SCMH1: variants seen among roughly 807,000 people sequenced by gnomAD.
The protein encoded by SCMH1 is Scm polycomb group protein homolog 1, also known as polycomb protein SCMH1.
In SCMH1, 37 loss-of-function variants were observed where a neutral mutation model predicts 70.8. The ratio of observed to expected loss-of-function variants is 0.52; its 90% confidence interval spans 0.40 to 0.69. SCMH1 has a LOEUF of 0.69. Ranked by LOEUF, SCMH1 falls within the 30% of genes least tolerant of loss-of-function variation. SCMH1 has a pLI of 0.00. For missense variants in SCMH1, 607 were observed against 827.3 expected, an observed-to-expected ratio of 0.73 and a Z score of 3.27; for synonymous variants, 292 against 307.4, an observed-to-expected ratio of 0.95 and a Z score of 0.52.
At chr1:41,213,409 G>C (rs1657456149) in intron 1 of SCMH1, among the ~76,000 whole-genome samples, 1 of 152,100 alleles carries the variant, frequency 6.6e-6, no homozygotes, top group Non-Finnish European at 1.5e-5. Context: ...GAAGGAATGT[G>C]GGAAAACAAC....
chr1:41,195,538 TA>T (rs1652832353), intron 1 of SCMH1, among the ~76,000 whole-genome samples: 1 of 151,506 alleles, frequency 6.6e-6, no homozygotes, highest in South Asian at 2.1e-4. Context: ...AAATACACAA[TA>T]AACTAAGAAT....
In SCMH1 at chr1:41,212,907, G is replaced by C. The variant is rs892695242; in HGVS notation, c.-117-26657C>G. Among the ~76,000 whole-genome samples the C allele has an allele frequency of 2.6e-5, 4 of 151,976 alleles. No individual in the cohort carries two copies. In the East Asian group the frequency reaches 7.7e-4, roughly 29 times the overall value. On this transcript the variant is annotated intron_variant, in intron 1 of 14. Transcript: ENST00000337495. ...AAAAAAAAGATACATATTTTAACAG[G>C]AGAAAAAGACAAGGACTAATATAAA...
intron 1 of SCMH1, among the ~76,000 whole-genome samples, chr1:41,191,467 T>C (rs1651701725): frequency 6.6e-6 from 1 of 152,222 alleles, no homozygotes. Context: ...AATTTAGATT[T>C]CATATATTGG....
intron 2 of SCMH1, among the ~76,000 whole-genome samples, chr1:41,178,586 T>G (rs1647711270): frequency 6.6e-6 from 1 of 152,166 alleles, no homozygotes; most frequent in Non-Finnish European, 1.5e-5. Flanking sequence ...GTTGCAATCC[T>G]AGTCTCTGAT....
At chr1:41,149,411 A>G (rs1644867430) in intron 5 of SCMH1, among the ~76,000 whole-genome samples, 1 of 152,188 alleles carries the variant, frequency 6.6e-6, no homozygotes, top group African/African-American at 2.4e-5. Flanking sequence ...ATATATTAAA[A>G]TAATTATTTT....
At chr1:41,075,366 T>G (rs1657959897) in exon 9 of SCMH1, 4 of 1,614,112 alleles carry the variant, frequency 2.5e-6, no homozygotes, top group Non-Finnish European at 3.4e-6. Context: ...CTGGTTGATG[T>G]TCCAAGACAG....
chr1:41,117,870 C>T (rs1572292285), intron 6 of SCMH1, among the ~76,000 whole-genome samples: 1 of 152,134 alleles, frequency 6.6e-6, no homozygotes, highest in South Asian at 2.1e-4. Context: ...ACACTCCTTA[C>T]CCTGCCCCTT....
At chr1:41,175,067 A>C (rs145117447) in intron 2 of SCMH1, among the ~76,000 whole-genome samples, 14 of 152,382 alleles carry the variant, frequency 9.2e-5, no homozygotes, top group African/African-American at 3.4e-4. Context: ...GTGTCAACTT[A>C]ACTGGGCTAA....
intron 8 of SCMH1, among the ~76,000 whole-genome samples, chr1:41,092,865 A>T (rs1294884613): frequency 6.6e-6 from 1 of 152,184 alleles, no homozygotes; most frequent in Non-Finnish European, 1.5e-5. Context: ...TTAAAAAGTC[A>T]GGAAACAACA....
intron 12 of SCMH1, among the ~76,000 whole-genome samples, chr1:41,044,141 A>G (rs931740170): frequency 3.9e-5 from 6 of 152,162 alleles, no homozygotes; most frequent in African/African-American, 1.2e-4. Context: ...TACCTGCTAT[A>G]TCGGAAGTGC....
At chr1:41,090,662 C>T (rs1357810232) in intron 8 of SCMH1, among the ~76,000 whole-genome samples, 1 of 151,936 alleles carries the variant, frequency 6.6e-6, no homozygotes, top group Non-Finnish European at 1.5e-5. Flanking sequence ...TACATACCTA[C>T]AATTAAAAAT....
At chr1:41,240,237 G>A (rs1405778851) in intron 1 of SCMH1, among the ~76,000 whole-genome samples, 2 of 152,202 alleles carry the variant, frequency 1.3e-5, no homozygotes, top group East Asian at 1.9e-4. Context: ...CTGCTGGTAT[G>A]TGCTTGTCTA....
At chr1:41,158,728 G>A (rs764962175) in intron 4 of SCMH1, among the ~76,000 whole-genome samples, 1 of 152,158 alleles carries the variant, frequency 6.6e-6, no homozygotes, top group Non-Finnish European at 1.5e-5. Flanking sequence ...TGTAAAGAAT[G>A]GGCAGGAGGG....
intron 10 of SCMH1, among the ~76,000 whole-genome samples, chr1:41,056,152 T>C (rs1310336573): frequency 6.6e-6 from 1 of 152,134 alleles, no homozygotes; most frequent in Non-Finnish European, 1.5e-5. Context: ...CTTAAGAAAA[T>C]GGTAGCTTTC....
chr1:41,099,070 A>G (rs1214741102), intron 8 of SCMH1: 5 of 243,364 alleles, frequency 2.1e-5, no homozygotes, highest in Non-Finnish European at 3.3e-5. Context: ...AGAAGAAGGC[A>G]GATGTTTGAC....
At chr1:41,151,739 C>A in intron 4 of SCMH1, 55 bp from the exon 5 acceptor site, 1 of 1,311,618 alleles carries the variant, frequency 7.6e-7, no homozygotes, top group Non-Finnish European at 1.1e-6. Context: ...AAAATGTTTT[C>A]AGGGTATAAT....
chr1:41,073,560 C>T (rs552077810), intron 9 of SCMH1, among the ~76,000 whole-genome samples: 1 of 152,068 alleles, frequency 6.6e-6, no homozygotes, highest in African/African-American at 2.4e-5. Context: ...GGAGGTGATA[C>T]TGAGAATTCG....
chr1:41,158,731 C>T (rs12748412), intron 4 of SCMH1, among the ~76,000 whole-genome samples: 2,770 of 152,090 alleles, frequency 0.018, 35 homozygotes, highest in Non-Finnish European at 0.027. Context: ...AAAGAATGGG[C>T]AGGAGGGTGA....
intron 4 of SCMH1, among the ~76,000 whole-genome samples, chr1:41,155,797 C>A (rs1351160466): frequency 1.3e-5 from 2 of 151,834 alleles, no homozygotes; most frequent in Non-Finnish European, 2.9e-5. Flanking sequence ...GCCTGGCCAA[C>A]ATGATGAAAC....
Sources: gnomAD v4.1 joint callset for allele counts (sites outside exome capture counted in the v4.1 genomes callset) on GRCh38, gnomAD v4.1.1 for gene constraint, MANE v1.5 for transcripts, NCBI Gene and HGNC (gene_info 2026-07-23, HGNC 2026-07-21) for gene names.